The following LRRC37A2 variants were observed in gnomAD, a reference collection of about 807,000 sequenced individuals.
The protein encoded by LRRC37A2 is leucine rich repeat containing 37 member A2, also known as leucine-rich repeat-containing protein 37A2.
Under a neutral mutation model 68.8 loss-of-function variants are expected in LRRC37A2, and 9 were observed. That is an observed-to-expected ratio of 0.13 (90% CI 0.08 to 0.23). The LOEUF (loss-of-function observed/expected upper bound fraction) is 0.23. Among genes scored for constraint, LRRC37A2 ranks in the 10% least tolerant of loss-of-function variants. The pLI is 1.00. For missense variants in LRRC37A2, 168 were observed against 950.4 expected (o/e 0.18, Z 10.82); for synonymous variants, 63 against 367.6 (o/e 0.17, Z 9.48).
chr17:46,857,293 A>C, the LRRC37A2 span, among the ~76,000 whole-genome samples: 1 of 151,894 alleles, frequency 6.6e-6, no homozygotes, highest in African/African-American at 2.4e-5. Flanking sequence ...ACATGGTGAA[A>C]ACCCATCTCT....
the LRRC37A2 span, among the ~76,000 whole-genome samples, chr17:46,716,897 T>C: frequency 6.6e-6 from 1 of 152,266 alleles, no homozygotes; most frequent in Non-Finnish European, 1.5e-5. Context: ...ATGAACTTTT[T>C]TCAGTGTAAC....
chr17:46,900,263 T>A, the LRRC37A2 span, among the ~76,000 whole-genome samples: 27 of 146,216 alleles, frequency 1.8e-4, no homozygotes, highest in African/African-American at 6.5e-4. Flanking sequence ...ATATATATAT[T>A]TTTTTGAGAT....
At chr17:46,532,624 T>C (rs1245036725) in intron 6 of LRRC37A2, among the ~76,000 whole-genome samples, 5 of 145,452 alleles carry the variant, frequency 3.4e-5, no homozygotes, top group Non-Finnish European at 7.4e-5. Context: ...TCAGATTTTC[T>C]GTTTTTTTCT....
At chr17:46,502,373 C>G in the LRRC37A2 span, among the ~76,000 whole-genome samples, 5 of 151,144 alleles carry the variant, frequency 3.3e-5, no homozygotes, top group East Asian at 1.9e-4. Flanking sequence ...TGCAATGGCC[C>G]GGTCTCTGCT....
At chr17:46,855,935 C>G in the LRRC37A2 span, among the ~76,000 whole-genome samples, 4 of 152,158 alleles carry the variant, frequency 2.6e-5, no homozygotes, top group Non-Finnish European at 5.9e-5. Context: ...ATGATCCACC[C>G]ACCTCAGCCT....
the LRRC37A2 span, among the ~76,000 whole-genome samples, chr17:46,980,864 GA>G: frequency 5.3e-5 from 8 of 151,866 alleles, no homozygotes; most frequent in East Asian, 1.9e-4. Context: ...AATAAAAAAA[GA>G]AAAAAAGAAT....
the LRRC37A2 span, among the ~76,000 whole-genome samples, chr17:46,884,433 G>A: frequency 6.6e-6 from 1 of 152,214 alleles, no homozygotes; most frequent in African/African-American, 2.4e-5. Context: ...GGGGCACACA[G>A]GAGATCCTCA....
the LRRC37A2 span, chr17:46,885,476 T>C: frequency 6.4e-6 from 1 of 155,402 alleles, no homozygotes; most frequent in Non-Finnish European, 1.4e-5. Flanking sequence ...CTAATTTTTG[T>C]ATTTTCAGTA....
chr17:46,982,527 C>T, the LRRC37A2 span, among the ~76,000 whole-genome samples: 11 of 152,236 alleles, frequency 7.2e-5, no homozygotes, highest in Middle Eastern at 3.2e-3. Flanking sequence ...TTCTGCTGGA[C>T]TGTCCCCTTG....
chr17:46,876,207 A>G, the LRRC37A2 span: 1 of 1,546,458 alleles, frequency 6.5e-7, no homozygotes, highest in East Asian at 2.3e-5. Context: ...TGCTGGGCCC[A>G]GGCCTCTGAC....
chr17:46,878,523 C>A, the LRRC37A2 span, among the ~76,000 whole-genome samples: 2 of 152,224 alleles, frequency 1.3e-5, no homozygotes, highest in African/African-American at 2.4e-5. Flanking sequence ...CTGACCCAAG[C>A]ACCTGGCCCA....
chr17:46,748,322 G>A, the LRRC37A2 span, among the ~76,000 whole-genome samples: 1 of 152,086 alleles, frequency 6.6e-6, no homozygotes, highest in African/African-American at 2.4e-5. Flanking sequence ...TGTTGGTCAG[G>A]CTGGTCTCAA....
At chr17:46,610,101 C>CTCTCTT in the LRRC37A2 span, among the ~76,000 whole-genome samples, 1 of 36,356 alleles carries the variant, frequency 2.8e-5, no homozygotes, top group African/African-American at 2.3e-4. Flanking sequence ...TTCTCTCTTT[C>CTCTCTT]TCTCTCTCTC....
At chr17:46,890,709 C>A in the LRRC37A2 span, among the ~76,000 whole-genome samples, 1 of 152,202 alleles carries the variant, frequency 6.6e-6, no homozygotes, top group Non-Finnish European at 1.5e-5. Context: ...GACCTTGTCA[C>A]AAGCCTGCCT....
the LRRC37A2 span, among the ~76,000 whole-genome samples, chr17:46,839,912 TTTTCTTTCTTTCTTTCTTTCTTTCTTTC>T: frequency 1.2e-3 from 132 of 113,408 alleles, 2 homozygotes; most frequent in Middle Eastern, 0.013. Flanking sequence ...ACATTTTCTC[TTTTCTTTCTTTCTTTCTTTCTTTCTTTC>T]TTTCTTTCTT....
chr17:46,868,356 C>T, the LRRC37A2 span, among the ~76,000 whole-genome samples: 35 of 152,298 alleles, frequency 2.3e-4, 1 homozygote, highest in South Asian at 6.6e-3. Flanking sequence ...CTTTGGGAGG[C>T]CAAGGTGGGC....
At chr17:46,530,520 G>A (rs1049314776) in intron 6 of LRRC37A2, among the ~76,000 whole-genome samples, 8 of 67,262 alleles carry the variant, frequency 1.2e-4, no homozygotes, top group Non-Finnish European at 2.4e-4. Flanking sequence ...GACTCACTCT[G>A]ATCTTGGTCA....
chr17:46,769,730 G>A, the LRRC37A2 span: 10 of 1,598,808 alleles, frequency 6.3e-6, no homozygotes, highest in East Asian at 2.2e-5. Context: ...CAGCTCCGGA[G>A]GGGAAGCGGG....
the LRRC37A2 span, among the ~76,000 whole-genome samples, chr17:46,440,401 T>TA: frequency 7.5e-5 from 6 of 80,486 alleles, no homozygotes; most frequent in Admixed American, 4.8e-4. Flanking sequence ...TATTTTATTT[T>TA]TTTTTTTTTT....
Sources: gnomAD v4.1 joint callset for allele counts (sites outside exome capture counted in the v4.1 genomes callset) on GRCh38, gnomAD v4.1.1 for gene constraint, MANE v1.5 for transcripts, NCBI Gene and HGNC (gene_info 2026-07-23, HGNC 2026-07-21) for gene names.